RNLS: variants seen among roughly 807,000 people sequenced by gnomAD.
RNLS encodes renalase.
Under a neutral mutation model 39.8 loss-of-function variants are expected in RNLS, and 39 were observed. That is an observed-to-expected ratio of 0.98 (90% CI 0.76 to 1.28). The LOEUF (loss-of-function observed/expected upper bound fraction) is 1.28. RNLS is among the 50% of genes most tolerant of loss of function. The pLI, the probability that RNLS is intolerant of heterozygous loss-of-function variation, is 0.00. For missense variants in RNLS, 410 were observed against 413.3 expected (o/e 0.99, Z 0.07); for synonymous variants, 147 against 150.7 (o/e 0.98, Z 0.18).
intron 4 of RNLS, among the ~76,000 whole-genome samples, chr10:88,392,562 C>G (rs1378570797): frequency 1.3e-5 from 2 of 152,168 alleles, no homozygotes; most frequent in Non-Finnish European, 2.9e-5. Context: ...TAGCTGAACA[C>G]TAAGTCAGCT....
chr10:88,508,106 T>C (rs548149562), intron 4 of RNLS, among the ~76,000 whole-genome samples: 24 of 152,300 alleles, frequency 1.6e-4, no homozygotes, highest in African/African-American at 5.3e-4. Flanking sequence ...TCTCTTATCC[T>C]GTCTTCAGTT....
chr10:88,557,677 T>C (rs1393902834), intron 4 of RNLS, among the ~76,000 whole-genome samples: 1 of 152,192 alleles, frequency 6.6e-6, no homozygotes, highest in Non-Finnish European at 1.5e-5. Context: ...TTAAAATTAG[T>C]AGTTGATTGT....
downstream of RNLS, among the ~76,000 whole-genome samples, chr10:88,270,915 G>T (rs1842631876): frequency 6.6e-6 from 1 of 152,182 alleles, no homozygotes; most frequent in Non-Finnish European, 1.5e-5. Flanking sequence ...CCTTTGGGAT[G>T]TCTCAAGTTT....
At chr10:88,554,705 G>C (rs1454258805) in intron 4 of RNLS, among the ~76,000 whole-genome samples, 1 of 151,904 alleles carries the variant, frequency 6.6e-6, no homozygotes, top group African/African-American at 2.4e-5. Flanking sequence ...ATTATTTTGG[G>C]AGAACTGTCT....
intron 3 of RNLS, among the ~76,000 whole-genome samples, chr10:88,577,378 G>GA (rs1291314969): frequency 1.3e-5 from 2 of 152,020 alleles, no homozygotes; most frequent in East Asian, 3.8e-4. Flanking sequence ...AGACTTAATA[G>GA]AAAAAAACAA....
At chr10:88,462,039 T>C (rs1589834148) in intron 4 of RNLS, among the ~76,000 whole-genome samples, 6 of 152,174 alleles carry the variant, frequency 3.9e-5, no homozygotes, top group Non-Finnish European at 8.8e-5. Context: ...ATTTGTCAAA[T>C]AGTTGTTGCC....
intron 4 of RNLS, among the ~76,000 whole-genome samples, chr10:88,365,315 A>AAAG (rs1185024642): frequency 6.6e-6 from 1 of 152,032 alleles, no homozygotes; most frequent in Admixed American, 6.6e-5. Flanking sequence ...TTTGTTTAAA[A>AAAG]AAGTTTCTAG....
At chr10:88,277,013 A>G (rs1488652406) in intron 6 of RNLS, among the ~76,000 whole-genome samples, 1 of 152,246 alleles carries the variant, frequency 6.6e-6, no homozygotes, top group East Asian at 1.9e-4. Flanking sequence ...GCTACTATAA[A>G]GACACATGCA....
chr10:88,398,607 G>A (rs556223658), intron 4 of RNLS, among the ~76,000 whole-genome samples: 2 of 152,080 alleles, frequency 1.3e-5, no homozygotes, highest in South Asian at 4.1e-4. Context: ...ATACAAGGTG[G>A]ATATCTACTT....
chr10:88,521,959 A>G (rs1413270278), intron 4 of RNLS, among the ~76,000 whole-genome samples: 2 of 152,058 alleles, frequency 1.3e-5, no homozygotes, highest in Non-Finnish European at 2.9e-5. Context: ...AAGAAACAAT[A>G]ACTCTTGCTT....
chr10:88,199,623 G>A, the RNLS span, among the ~76,000 whole-genome samples: 1 of 152,162 alleles, frequency 6.6e-6, no homozygotes, highest in African/African-American at 2.4e-5. Flanking sequence ...GCCAGTGCAG[G>A]ACGAAGACAC....
At chr10:88,346,350 T>C (rs1848305877) in intron 5 of RNLS, among the ~76,000 whole-genome samples, 1 of 152,168 alleles carries the variant, frequency 6.6e-6, no homozygotes, top group Non-Finnish European at 1.5e-5. Context: ...CTAAGAATAC[T>C]TGTTTCTCCT....
chr10:88,299,615 A>G (rs776748919), intron 6 of RNLS, among the ~76,000 whole-genome samples: 19 of 152,076 alleles, frequency 1.2e-4, no homozygotes, highest in Non-Finnish European at 2.1e-4. Flanking sequence ...ATAGAGCAAG[A>G]CTCCATTTCA....
intron 4 of RNLS, among the ~76,000 whole-genome samples, chr10:88,506,074 A>G (rs1845776221): frequency 6.6e-6 from 1 of 152,120 alleles, no homozygotes; most frequent in Non-Finnish European, 1.5e-5. Context: ...GAAATACCCT[A>G]AAGTTTGAGA....
At chr10:88,430,524 T>G (rs1306446561) in intron 4 of RNLS, among the ~76,000 whole-genome samples, 1 of 151,818 alleles carries the variant, frequency 6.6e-6, no homozygotes, top group African/African-American at 2.4e-5. Context: ...CCTAGTTAAA[T>G]GTTGAACAAA....
chr10:88,360,001 T>G (rs1849514739), intron 5 of RNLS, among the ~76,000 whole-genome samples: 1 of 152,252 alleles, frequency 6.6e-6, no homozygotes, highest in Admixed American at 6.5e-5. Flanking sequence ...GGAAAATAGT[T>G]GTACTGAATT....
the RNLS span, among the ~76,000 whole-genome samples, chr10:88,217,382 G>T: frequency 6.6e-6 from 1 of 152,078 alleles, no homozygotes; most frequent in African/African-American, 2.4e-5. Context: ...CAGCTTTGTG[G>T]TTTTTGTTTT....
chr10:88,257,695 C>T, the RNLS span, among the ~76,000 whole-genome samples: 1 of 152,166 alleles, frequency 6.6e-6, no homozygotes. Context: ...GACTCTAGGG[C>T]CAGTGAGAAA....
At chr10:88,388,090 C>T (rs1173983832) in intron 4 of RNLS, among the ~76,000 whole-genome samples, 1 of 152,186 alleles carries the variant, frequency 6.6e-6, no homozygotes. Context: ...TTCCTTCCAT[C>T]TATCCTTGAA....
Sources: allele counts gnomAD v4.1 joint callset (sites outside exome capture counted in the v4.1 genomes callset), GRCh38; gene constraint gnomAD v4.1.1; transcripts MANE v1.5; gene names NCBI Gene and HGNC (gene_info 2026-07-23, HGNC 2026-07-21).